Variants in MACIR observed in about 807,000 individuals in gnomAD.
MACIR encodes the protein UNC119-binding protein C5orf30.
A neutral mutation model predicts 14.3 loss-of-function variants in MACIR; 4 were observed. The ratio of observed to expected loss-of-function variants is 0.28; its 90% CI spans 0.14 to 0.64. The LOEUF (loss-of-function observed/expected upper bound fraction) is 0.64. MACIR is among the 30% of genes least tolerant of loss of function. The probability of loss-of-function intolerance (pLI) is 0.83; values close to 1 mark genes in which losing one functional copy is unlikely to be tolerated. For missense variants in MACIR, 228 were observed against 257.6 expected (o/e 0.89, Z 0.79); for synonymous variants, 101 against 102.4 (o/e 0.99, Z 0.08).
rs1805407764 is a variant in MACIR, at chr5:103,278,289, G to T, written c.*1749G>T. 1 of 166,456 alleles carries T rather than the reference G, an allele frequency of 6.0e-6. No homozygotes were observed. Among genetic ancestry groups the T allele is most frequent in the Non-Finnish European group, 1.5e-5 (1 of 68,084 alleles). 10.3% of individuals were successfully genotyped at this position (166,456 alleles called of 1,614,324 possible). The stretch of plus-strand genomic sequence containing the variant: ...AAAGAGTGGGATTTTTATGTTTAAT[G>T]ATTAAACACCATTATTTATTGACAA... On this transcript the variant is annotated 3_prime_UTR_variant, in exon 3 of 3. Coordinates refer to ENST00000319933, the MANE Select transcript of MACIR (RefSeq NM_033211.4).
intron 1 of MACIR, among the ~76,000 whole-genome samples, chr5:103,264,186 T>G (rs185743182): frequency 6.6e-6 from 1 of 152,122 alleles, no homozygotes; most frequent in Admixed American, 6.5e-5. Context: ...GAGGCCAGAG[T>G]GTAAAGTAAA....
chr5:103,267,128 C>CTTT (rs1804953829), intron 2 of MACIR, among the ~76,000 whole-genome samples: 2 of 151,970 alleles, frequency 1.3e-5, no homozygotes, highest in African/African-American at 4.8e-5. Context: ...CTGTATATAC[C>CTTT]TATATTTATA....
In MACIR at chr5:103,276,189, C is replaced by T. The variant is rs1805322312; in HGVS notation, c.270C>T (p.Ser90=). 2 of 1,613,764 alleles carry T rather than the reference C, an allele frequency of 1.2e-6. No homozygotes were observed. The highest frequency in any genetic ancestry group is 1.1e-5 in the South Asian group (1 of 91,040). The change falls in exon 3 of 3, where the codon TCC becomes TCT. Residue 90 remains serine (S), a synonymous_variant. Transcript: ENST00000319933. ...GEESKAEAMP[S]LRSKQLDAGL... Reference sequence around the variant, plus strand: ...AGAGCAAAGCAGAAGCCATGCCATCCTTACGCTCCAAACAGCTAGATGCAG... The same window carrying T: ...AGAGCAAAGCAGAAGCCATGCCATCTTTACGCTCCAAACAGCTAGATGCAG...
intron 1 of MACIR, among the ~76,000 whole-genome samples, chr5:103,260,862 C>G (rs1419971370): frequency 6.6e-6 from 1 of 152,212 alleles, no homozygotes; most frequent in African/African-American, 2.4e-5. Flanking sequence ...ACCAGCCTAT[C>G]AAAATGAGTA....
Sources: gnomAD v4.1 joint callset for allele counts (sites outside exome capture counted in the v4.1 genomes callset) on GRCh38, gnomAD v4.1.1 for gene constraint, MANE v1.5 for transcripts, NCBI Gene and HGNC (gene_info 2026-07-23, HGNC 2026-07-21) for gene names.